CFAP20DC: variants seen among roughly 807,000 people sequenced by gnomAD.
CFAP20DC encodes the protein CFAP20 domain containing.
Under a neutral mutation model 101.7 loss-of-function variants are expected in CFAP20DC, and 84 were observed. The ratio of observed to expected loss-of-function variants is 0.83; its 90% confidence interval spans 0.69 to 0.99. The LOEUF (loss-of-function observed/expected upper bound fraction) is 0.99. Ranked by LOEUF, CFAP20DC falls within the 50% of genes least tolerant of loss-of-function variation. The pLI is 0.00. For synonymous variants in CFAP20DC, 359 were observed against 351.2 expected (o/e 1.02, Z -0.25); for missense variants, 1,007 against 970.3 (o/e 1.04, Z -0.50).
At chr3:58,978,121 GA>G (rs1184525295) in intron 4 of CFAP20DC, among the ~76,000 whole-genome samples, 7 of 152,026 alleles carry the variant, frequency 4.6e-5, no homozygotes, top group African/African-American at 9.7e-5. Context: ...CAAAAAGAGA[GA>G]AAAAAATGCG....
chr3:58,970,921 G>T (rs894296798), intron 4 of CFAP20DC, among the ~76,000 whole-genome samples: 1 of 152,072 alleles, frequency 6.6e-6, no homozygotes, highest in African/African-American at 2.4e-5. Context: ...CTTCCTTGGA[G>T]AAGTTACTGT....
intron 16 of CFAP20DC, 164 bp downstream of exon 16, chr3:58,753,605 A>G (rs989238617): frequency 1.7e-6 from 1 of 583,188 alleles, no homozygotes; most frequent in Admixed American, 3.4e-5. Flanking sequence ...AGTTGTAAAG[A>G]ACCCATTATT....
At chr3:58,810,770 G>A (rs1364174796) in intron 14 of CFAP20DC, among the ~76,000 whole-genome samples, 1 of 151,386 alleles carries the variant, frequency 6.6e-6, no homozygotes, top group Admixed American at 6.6e-5. Flanking sequence ...AATTGTCCCT[G>A]TTTGCAGATG....
chr3:58,848,126 C>A (rs185208483), intron 13 of CFAP20DC, among the ~76,000 whole-genome samples: 1 of 141,060 alleles, frequency 7.1e-6, no homozygotes, highest in South Asian at 2.5e-4. Flanking sequence ...ATGTAACTAA[C>A]CTGCACAATG....
At chr3:59,031,369 T>C (rs913655677) in intron 4 of CFAP20DC, among the ~76,000 whole-genome samples, 1 of 152,184 alleles carries the variant, frequency 6.6e-6, no homozygotes, top group Non-Finnish European at 1.5e-5. Context: ...TGGGATTCTA[T>C]GGGTTGTTAA....
rs114128673 is a variant in CFAP20DC, at chr3:58,938,874, A to C, written c.279-1112T>G. Reference sequence around the variant, plus strand: ...GACCTAAAAATTCCACCCTACTTGCACTAAATGATATCATAAATTCATTTA... The same window carrying C: ...GACCTAAAAATTCCACCCTACTTGCCCTAAATGATATCATAAATTCATTTA... On this transcript the variant is annotated intron_variant, in intron 4 of 16. Transcript: ENST00000482387. 2.7e-3 allele frequency among the ~76,000 whole-genome samples: 409 copies of C among 152,356 alleles called. 1 individual carries two copies. The highest frequency in any genetic ancestry group is 9.3e-3 in the African/African-American group (385 of 41,574).
intron 4 of CFAP20DC, among the ~76,000 whole-genome samples, chr3:58,951,324 T>G (rs1458963009): frequency 6.6e-6 from 1 of 152,168 alleles, no homozygotes; most frequent in Non-Finnish European, 1.5e-5. Context: ...GTAAACTAGT[T>G]CAACCATTGT....
intron 7 of CFAP20DC, among the ~76,000 whole-genome samples, chr3:58,879,982 T>C (rs967497305): frequency 6.6e-6 from 1 of 151,858 alleles, no homozygotes; most frequent in Admixed American, 6.6e-5. Context: ...ATTAAAAATA[T>C]TGATATTAAA....
At chr3:58,789,702 G>A (rs1456073464) in intron 15 of CFAP20DC, among the ~76,000 whole-genome samples, 1 of 152,042 alleles carries the variant, frequency 6.6e-6, no homozygotes, top group Non-Finnish European at 1.5e-5. Flanking sequence ...CACTGATATG[G>A]GTGATAAATG....
intron 14 of CFAP20DC, among the ~76,000 whole-genome samples, chr3:58,817,202 G>C (rs1023565374): frequency 1.3e-5 from 2 of 152,152 alleles, no homozygotes; most frequent in Non-Finnish European, 2.9e-5. Context: ...AAACAGAACA[G>C]AAAAACTGGA....
chr3:59,006,125 A>C lies in CFAP20DC; in HGVS notation c.278+33432T>G, dbSNP rs912432701. 6.6e-6 allele frequency among the ~76,000 whole-genome samples: 1 copy of C among 152,080 alleles called. No homozygotes were observed. The highest frequency in any genetic ancestry group is 2.4e-5 in the African/African-American group (1 of 41,344). Reference sequence around the variant, plus strand: ...TATGTATATATACACACATCTATACATGGAAGGATGGATGGATGGATGGAT... The same window carrying C: ...TATGTATATATACACACATCTATACCTGGAAGGATGGATGGATGGATGGAT... On this transcript the variant is annotated intron_variant, in intron 4 of 16. Coordinates refer to ENST00000482387, the MANE Select transcript of CFAP20DC (RefSeq NM_001394063.1). This position sits in a 1 kb window ranked among gnomAD's most constrained non-coding sequence, Gnocchi z 4.3.
At chr3:58,881,572 T>C (rs1007052004) in intron 7 of CFAP20DC, among the ~76,000 whole-genome samples, 2 of 152,140 alleles carry the variant, frequency 1.3e-5, no homozygotes, top group African/African-American at 4.8e-5. Context: ...CAAAATGCAC[T>C]CCAAAATAGT....
At chr3:58,856,299 CACACACACACACACAT>C (rs1488434528) in intron 12 of CFAP20DC, among the ~76,000 whole-genome samples, 2,248 of 150,460 alleles carry the variant, frequency 0.015, 48 homozygotes, top group African/African-American at 0.048. Context: ...CACACACACA[CACACACACACACACAT>C]AACTGATGGA....
intron 4 of CFAP20DC, among the ~76,000 whole-genome samples, chr3:59,008,998 A>G (rs1043995845): frequency 1.3e-5 from 2 of 152,204 alleles, no homozygotes; most frequent in African/African-American, 4.8e-5. Context: ...CACCAAGAAT[A>G]TAACTACTAC....
rs1311359710 is a variant in CFAP20DC, at chr3:59,006,316, T to C, written c.278+33241A>G. ...GATGGTGCCCAGGAGGCAGGGCTAA[T>C]GTGCACCTCTCACTTGGAGAGACTG... On this transcript the variant is annotated intron_variant, in intron 4 of 16. Transcript: ENST00000482387. This position sits in a 1 kb window ranked among gnomAD's most constrained non-coding sequence, Gnocchi z 4.3. 6.6e-6 allele frequency among the ~76,000 whole-genome samples: 1 copy of C among 152,152 alleles called. No individual in the cohort carries two copies. Among genetic ancestry groups the C allele is most frequent in the Non-Finnish European group, 1.5e-5 (1 of 68,006 alleles).
rs574907033 is a variant in CFAP20DC, at chr3:59,002,270, T to C, written c.278+37287A>G. Reference sequence around the variant, plus strand: ...AAGATGAGTGTGTGGCACACACACATGCTGAATAATTAGCTTCCCTCCTAA... The same window carrying C: ...AAGATGAGTGTGTGGCACACACACACGCTGAATAATTAGCTTCCCTCCTAA... On this transcript the variant is annotated intron_variant, in intron 4 of 16. Transcript: ENST00000482387. This position sits in a 1 kb window ranked among gnomAD's most constrained non-coding sequence, Gnocchi z 4.5. 2.3e-3 allele frequency among the ~76,000 whole-genome samples: 351 copies of C among 152,344 alleles called. 3 individuals are homozygous for C. The highest frequency in any genetic ancestry group is 4.0e-3 in the Non-Finnish European group (272 of 68,040).
At chr3:59,042,748 T>C (rs1699508955) in intron 3 of CFAP20DC, among the ~76,000 whole-genome samples, 1 of 152,120 alleles carries the variant, frequency 6.6e-6, no homozygotes, top group Non-Finnish European at 1.5e-5. Context: ...AGAGGCCAAG[T>C]CAGAAACAGG....
chr3:58,965,785 G>A (rs1033251091), intron 4 of CFAP20DC, among the ~76,000 whole-genome samples: 1 of 152,088 alleles, frequency 6.6e-6, no homozygotes, highest in Non-Finnish European at 1.5e-5. Flanking sequence ...AGTAGAATTA[G>A]TTTACTTGAT....
intron 7 of CFAP20DC, among the ~76,000 whole-genome samples, chr3:58,881,801 A>G (rs1218003002): frequency 6.6e-6 from 1 of 152,154 alleles, no homozygotes; most frequent in Non-Finnish European, 1.5e-5. Flanking sequence ...TTTTAGAAAG[A>G]CACAAAAACA....
Sources: gnomAD v4.1 joint callset for allele counts (sites outside exome capture counted in the v4.1 genomes callset) on GRCh38, gnomAD v4.1.1 for gene constraint, Gnocchi (gnomAD v3.1) non-coding constraint, MANE v1.5 for transcripts, NCBI Gene and HGNC (gene_info 2026-07-23, HGNC 2026-07-21) for gene names.